The following AGBL1 variants were observed in gnomAD, a reference collection of about 807,000 sequenced individuals.
AGBL1 encodes the protein cytosolic carboxypeptidase 4.
In AGBL1, 130 loss-of-function variants were observed where a neutral mutation model predicts 118.9. That is an observed-to-expected ratio of 1.09 (90% CI 0.95 to 1.26). AGBL1 has a LOEUF of 1.26. Ranked by LOEUF, AGBL1 falls within the 50% of genes most tolerant of loss-of-function variation. The pLI is 0.00. For synonymous variants in AGBL1, 555 were observed against 478.9 expected (o/e 1.16, Z -2.08); for missense variants, 1,584 against 1,298.1 (o/e 1.22, Z -3.38).
rs184583091 is a variant in AGBL1 at position 86,826,009 on chromosome 15, T to C, written c.3159-81078T>C. 1.3e-3 allele frequency among the ~76,000 whole-genome samples: 187 copies of C among 147,930 alleles called. 1 individual carries two copies. The highest frequency in any genetic ancestry group is 4.5e-3 in the African/African-American group (180 of 40,368). On this transcript the variant is annotated intron_variant, in intron 22 of 22. Coordinates refer to ENST00000614907, the MANE Select transcript of AGBL1 (RefSeq NM_001386094.1). Reference sequence around the variant, plus strand: ...CAGAGAGATTCCAGGTACCTTTCATTGAGTTCCCTTCAGCAGTAACTTCTT... The same window carrying C: ...CAGAGAGATTCCAGGTACCTTTCATCGAGTTCCCTTCAGCAGTAACTTCTT...
chr15:86,307,053 C>A (rs10083694), intron 17 of AGBL1, among the ~76,000 whole-genome samples: 28,776 of 151,374 alleles, frequency 0.19, 2,810 homozygotes, highest in Admixed American at 0.21. Context: ...CTCTTTATAT[C>A]TTCTGGCTAT....
intron 21 of AGBL1, among the ~76,000 whole-genome samples, chr15:86,611,265 A>C (rs920581592): frequency 6.6e-6 from 1 of 152,192 alleles, no homozygotes; most frequent in African/African-American, 2.4e-5. Context: ...GTGACACTTT[A>C]AATTCAGCAA....
intron 1 of AGBL1, among the ~76,000 whole-genome samples, chr15:86,100,796 T>G (rs1896668687): frequency 6.6e-6 from 1 of 152,114 alleles, no homozygotes; most frequent in African/African-American, 2.4e-5. Context: ...TTTGTCGATT[T>G]TACTTATCTT....
chr15:86,301,955 G>A lies in AGBL1; in HGVS notation c.2374+6547G>A, dbSNP rs28550826. On this transcript the variant is annotated intron_variant, in intron 17 of 22. Transcript: ENST00000614907. ...ACATGAAAAGTAAAATATATAAAAC[G>A]CATCAAAACCATCTTAAATTTGTTT... Among the ~76,000 whole-genome samples the A allele has an allele frequency of 5.3e-3, 803 of 152,016 alleles. 10 individuals are homozygous for A. The highest frequency in any genetic ancestry group is 0.019 in the African/African-American group (770 of 41,450).
chr15:86,905,660 C>T (rs1450317266), intron 22 of AGBL1, among the ~76,000 whole-genome samples: 2 of 152,168 alleles, frequency 1.3e-5, no homozygotes, highest in African/African-American at 4.8e-5. Flanking sequence ...TTATTATTGA[C>T]ATTCTATTAG....
intron 5 of AGBL1, among the ~76,000 whole-genome samples, chr15:86,211,155 AACAGCAAATATTGCATT>A (rs2078090119): frequency 6.6e-6 from 1 of 152,188 alleles, no homozygotes; most frequent in Non-Finnish European, 1.5e-5. Flanking sequence ...GAGGCTGCAG[AACAGCAAATATTGCATT>A]ACAGCAAATA....
intron 1 of AGBL1, among the ~76,000 whole-genome samples, chr15:86,102,635 C>A (rs536170806): frequency 6.6e-6 from 1 of 152,302 alleles, no homozygotes; most frequent in East Asian, 1.9e-4. Flanking sequence ...TGTAAGGTTT[C>A]TGTTGAGAAA....
In AGBL1 at chr15:86,914,948, C is replaced by T. The variant is rs941754123; in HGVS notation, c.*7654C>T. ...AACTCAACAGGTTCAAAGTCAAAAT[C>T]TCCTCCCAACAAAATCTCTACCTCC... is the stretch of plus-strand genomic sequence containing the variant. On this transcript the variant is annotated 3_prime_UTR_variant, in exon 23 of 23. Coordinates refer to ENST00000614907, the MANE Select transcript of AGBL1 (RefSeq NM_001386094.1). 6.6e-6 allele frequency: 1 copy of T among 152,166 alleles called. No homozygotes were observed. Among genetic ancestry groups the T allele is most frequent in the Non-Finnish European group, 1.5e-5 (1 of 68,032 alleles). 9.4% of individuals were successfully genotyped at this position (152,166 alleles called of 1,614,324 possible).
At chr15:86,892,768 G>A (rs1416754408) in intron 22 of AGBL1, among the ~76,000 whole-genome samples, 1 of 152,160 alleles carries the variant, frequency 6.6e-6, no homozygotes, top group Non-Finnish European at 1.5e-5. Context: ...AAACCGGAGA[G>A]TAATAAATTA....
intron 18 of AGBL1, among the ~76,000 whole-genome samples, chr15:86,511,152 C>T (rs2083048273): frequency 6.6e-6 from 1 of 151,928 alleles, no homozygotes; most frequent in Admixed American, 6.6e-5. Flanking sequence ...TAATTTTGTA[C>T]CTGAAACAAA....
At chr15:86,611,273 C>A (rs2084650071) in intron 21 of AGBL1, among the ~76,000 whole-genome samples, 1 of 152,148 alleles carries the variant, frequency 6.6e-6, no homozygotes. Context: ...TTAAATTCAG[C>A]AACTTTTTAT....
intron 22 of AGBL1, among the ~76,000 whole-genome samples, chr15:86,790,406 C>CT (rs1342681505): frequency 6.6e-6 from 1 of 151,826 alleles, no homozygotes; most frequent in Non-Finnish European, 1.5e-5. Flanking sequence ...AGTCCTGTAT[C>CT]TTTTTTTAAA....
chr15:87,025,687 C>T (rs555965941), intron 24 of AGBL1, among the ~76,000 whole-genome samples: 4 of 151,732 alleles, frequency 2.6e-5, no homozygotes, highest in African/African-American at 9.7e-5. Flanking sequence ...GTCCAAATAG[C>T]CAAAGCAAGC....
chr15:86,686,775 C>T (rs2086065547), intron 22 of AGBL1, among the ~76,000 whole-genome samples: 1 of 152,080 alleles, frequency 6.6e-6, no homozygotes, highest in African/African-American at 2.4e-5. Flanking sequence ...TCATCTCTCA[C>T]AACAAATAGT....
chr15:86,204,486 T>TCCCTTCCCCTTCCCCTTC (rs147795031), intron 5 of AGBL1, among the ~76,000 whole-genome samples: 8 of 148,142 alleles, frequency 5.4e-5, no homozygotes, highest in African/African-American at 7.5e-5. Flanking sequence ...TCCCTTCCTT[T>TCCCTTCCCCTTCCCCTTC]CCCTTCCCCT....
At chr15:87,012,228 C>T (rs1185419053) in intron 24 of AGBL1, among the ~76,000 whole-genome samples, 1 of 148,632 alleles carries the variant, frequency 6.7e-6, no homozygotes, top group East Asian at 2.0e-4. Flanking sequence ...CACACACACA[C>T]GCTTGCATAT....
intron 22 of AGBL1, among the ~76,000 whole-genome samples, chr15:86,719,641 C>A (rs74787238): frequency 0.012 from 1,833 of 152,240 alleles, 26 homozygotes; most frequent in East Asian, 0.065. Flanking sequence ...CCCCTCCCTC[C>A]CTTTCTTTGT....
At chr15:86,614,122 GTAAGCATCTA>G (rs1307432459) in intron 21 of AGBL1, among the ~76,000 whole-genome samples, 1 of 152,170 alleles carries the variant, frequency 6.6e-6, no homozygotes, top group African/African-American at 2.4e-5. Context: ...TGTTTTAACT[GTAAGCATCTA>G]TTACACTCTG....
intron 21 of AGBL1, 41 bp downstream of exon 21, chr15:86,554,578 A>G (rs770184853): frequency 2.9e-5 from 41 of 1,412,864 alleles, no homozygotes; most frequent in East Asian, 1.1e-4. Flanking sequence ...CTGTCCAGCA[A>G]CAATACATAG....
Sources: allele counts gnomAD v4.1 joint callset (sites outside exome capture counted in the v4.1 genomes callset), GRCh38; gene constraint gnomAD v4.1.1; transcripts MANE v1.5; gene names NCBI Gene and HGNC (gene_info 2026-07-23, HGNC 2026-07-21).